The following ADAMTS6 variants were observed in gnomAD, a reference collection of about 807,000 sequenced individuals.
The protein encoded by ADAMTS6 is A disintegrin and metalloproteinase with thrombospondin motifs 6.
ADAMTS6 carries 23 observed loss-of-function variants against 144.3 expected under a neutral mutation model. The observed-to-expected ratio is 0.16, with a 90% CI of 0.11 to 0.23. The LOEUF (loss-of-function observed/expected upper bound fraction) is 0.23, where lower values mean the gene tolerates loss of function less well. Among genes scored for constraint, ADAMTS6 ranks in the 10% least tolerant of loss-of-function variants. The probability of loss-of-function intolerance (pLI) is 1.00; values close to 1 mark genes in which losing one functional copy is unlikely to be tolerated. For missense variants in ADAMTS6, 999 were observed against 1,379.6 expected (o/e 0.72, Z 4.37); for synonymous variants, 444 against 457.5 (o/e 0.97, Z 0.38).
Position 65,380,376 on chromosome 5 carries a change from G to A in ADAMTS6, c.1074-46291C>T, listed in dbSNP as rs764405411. ...CACTCGAGGTCAGTATTTTGAGGCC[G>A]GCCTGGAAAACATGGCAAAACTCCA... On this transcript the variant is annotated intron_variant, in intron 7 of 24. Coordinates refer to ENST00000381055, the MANE Select transcript of ADAMTS6 (RefSeq NM_197941.4). 4.0e-5 allele frequency among the ~76,000 whole-genome samples: 6 copies of A among 151,848 alleles called. No individual in the cohort carries two copies. The East Asian group carries it at 5.8e-4, about 15-fold the overall frequency.
rs1255466500 is a variant in ADAMTS6, at chr5:65,230,996, C to A, written c.1934-4777G>T. On this transcript the variant is annotated intron_variant, in intron 15 of 24. Transcript: ENST00000381055. Reference sequence around the variant, plus strand: ...GGAACAAAAAAAGTCTACAAAACTGCCAAAAACAATTGACAAGATATAACT... The same window carrying A: ...GGAACAAAAAAAGTCTACAAAACTGACAAAAACAATTGACAAGATATAACT... 3.3e-5 allele frequency among the ~76,000 whole-genome samples: 5 copies of A among 149,336 alleles called. No homozygotes were observed. The East Asian group carries it at 9.8e-4, about 29-fold the overall frequency.
At chr5:65,341,190 T>A (rs984679092) in intron 7 of ADAMTS6, among the ~76,000 whole-genome samples, 1 of 151,866 alleles carries the variant, frequency 6.6e-6, no homozygotes, top group African/African-American at 2.4e-5. Context: ...TACCAAAACC[T>A]ATAGGACATA....
At chr5:65,180,726 C>T (rs1009614413) in intron 22 of ADAMTS6, among the ~76,000 whole-genome samples, 32 of 152,116 alleles carry the variant, frequency 2.1e-4, no homozygotes, top group Non-Finnish European at 2.6e-4. Context: ...CCCTTAATGG[C>T]TTACTATTGC....
At chr5:65,226,891 C>T (rs1359827353) in intron 15 of ADAMTS6, among the ~76,000 whole-genome samples, 1 of 152,040 alleles carries the variant, frequency 6.6e-6, no homozygotes, top group Non-Finnish European at 1.5e-5. Flanking sequence ...CCAAGAAAAA[C>T]AATTTTTTAA....
intron 15 of ADAMTS6, among the ~76,000 whole-genome samples, chr5:65,232,760 A>G (rs1758358466): frequency 6.6e-6 from 1 of 152,188 alleles, no homozygotes; most frequent in South Asian, 2.1e-4. Flanking sequence ...AGTGAATTAT[A>G]CCAAACATTT....
chr5:65,266,877 T>C (rs1761666829), intron 12 of ADAMTS6, among the ~76,000 whole-genome samples: 1 of 151,956 alleles, frequency 6.6e-6, no homozygotes, highest in Admixed American at 6.6e-5. Flanking sequence ...ATCAATGTAG[T>C]ATATGATTTT....
At chr5:65,388,069 G>T (rs954987513) in intron 7 of ADAMTS6, among the ~76,000 whole-genome samples, 7 of 152,114 alleles carry the variant, frequency 4.6e-5, no homozygotes, top group African/African-American at 1.7e-4. Context: ...AATTAGCCGG[G>T]CGTTGTGGCA....
At chr5:65,357,600 G>A (rs1749439514) in intron 7 of ADAMTS6, among the ~76,000 whole-genome samples, 4 of 151,296 alleles carry the variant, frequency 2.6e-5, no homozygotes, top group Admixed American at 6.6e-5. Context: ...TGAATAAATC[G>A]TTAGCTAGAC....
intron 20 of ADAMTS6, among the ~76,000 whole-genome samples, chr5:65,209,674 T>C (rs1436678908): frequency 1.3e-5 from 2 of 152,214 alleles, no homozygotes. Context: ...CCCAAAGGTC[T>C]GGATATTAAT....
In ADAMTS6 at chr5:65,176,809, C is replaced by T. The variant is rs958892763; in HGVS notation, c.2911-3801G>A. Reference sequence around the variant, plus strand: ...TGGTATAAAAATCATACAGGAAGCACTGTCAGATATAAAATGGTGTTTGGC... The same window carrying T: ...TGGTATAAAAATCATACAGGAAGCATTGTCAGATATAAAATGGTGTTTGGC... On this transcript the variant is annotated intron_variant, in intron 22 of 24. Coordinates refer to ENST00000381055, the MANE Select transcript of ADAMTS6 (RefSeq NM_197941.4). Among the ~76,000 whole-genome samples, 4 of 152,118 alleles carry T rather than the reference C, an allele frequency of 2.6e-5. No homozygotes were observed. In the East Asian group the frequency reaches 7.7e-4, roughly 29 times the overall value.
At chr5:65,351,596 G>A (rs188764154) in intron 7 of ADAMTS6, among the ~76,000 whole-genome samples, 1 of 152,056 alleles carries the variant, frequency 6.6e-6, no homozygotes, top group African/African-American at 2.4e-5. Flanking sequence ...ATTATATGTG[G>A]AGCTATGCCA....
Position 65,440,176 on chromosome 5 carries a change from T to C in ADAMTS6, c.1073+11299A>G, listed in dbSNP as rs115501047. On this transcript the variant is annotated intron_variant, in intron 7 of 24. Coordinates refer to ENST00000381055, the MANE Select transcript of ADAMTS6 (RefSeq NM_197941.4). ...GGGTAAAGAAGAATGATGTCTACAA[T>C]TACTCTCAAAAGTAAGACAGAAATA... Among the ~76,000 whole-genome samples the C allele has an allele frequency of 1.9e-3, 291 of 152,326 alleles. 4 individuals are homozygous for C. The highest frequency in any genetic ancestry group is 6.8e-3 in the African/African-American group (281 of 41,576).
intron 14 of ADAMTS6, among the ~76,000 whole-genome samples, chr5:65,249,030 C>T (rs939952712): frequency 6.6e-6 from 1 of 151,752 alleles, no homozygotes; most frequent in African/African-American, 2.4e-5. Context: ...TGTGTGTGCG[C>T]GCATGTCTGT....
chr5:65,317,198 A>G (rs1443164967), intron 9 of ADAMTS6, among the ~76,000 whole-genome samples: 3 of 152,234 alleles, frequency 2.0e-5, no homozygotes, highest in African/African-American at 2.4e-5. Context: ...AGACAAATCT[A>G]CATATGCATT....
chr5:65,275,364 AAAG>A (rs1762400433), intron 11 of ADAMTS6, among the ~76,000 whole-genome samples: 1 of 79,928 alleles, frequency 1.3e-5, no homozygotes, highest in East Asian at 2.6e-4. Flanking sequence ...AGAAAGAAAG[AAAG>A]AAAGAAAGAA....
intron 7 of ADAMTS6, among the ~76,000 whole-genome samples, chr5:65,342,740 A>T (rs1400180349): frequency 1.3e-5 from 2 of 152,156 alleles, no homozygotes; most frequent in Admixed American, 6.6e-5. Flanking sequence ...AGAGCATCCA[A>T]ATTGGAAAGA....
chr5:65,455,144 T>C (rs1484812355), intron 4 of ADAMTS6, among the ~76,000 whole-genome samples: 1 of 152,234 alleles, frequency 6.6e-6, no homozygotes, highest in Non-Finnish European at 1.5e-5. Context: ...CTTTTGATCA[T>C]TTCCCCTTCT....
chr5:65,408,485 C>G (rs1182708779), intron 7 of ADAMTS6, among the ~76,000 whole-genome samples: 1 of 152,002 alleles, frequency 6.6e-6, no homozygotes, highest in African/African-American at 2.4e-5. Flanking sequence ...ACAGGAACAC[C>G]CAGATTCATA....
chr5:65,339,285 A>G (rs1052475719), intron 7 of ADAMTS6, among the ~76,000 whole-genome samples: 7 of 152,270 alleles, frequency 4.6e-5, no homozygotes, highest in Non-Finnish European at 1.0e-4. Context: ...AGACAATACT[A>G]CTGTGTCTAT....
Sources: allele counts gnomAD v4.1 joint callset (sites outside exome capture counted in the v4.1 genomes callset), GRCh38; gene constraint gnomAD v4.1.1; transcripts MANE v1.5; gene names NCBI Gene and HGNC (gene_info 2026-07-23, HGNC 2026-07-21).